LRRTM4: variants seen among roughly 807,000 people sequenced by gnomAD.
LRRTM4 encodes leucine rich repeat transmembrane neuronal 4, also known as leucine-rich repeat transmembrane neuronal protein 4.
A neutral mutation model predicts 47.6 loss-of-function variants in LRRTM4; 25 were observed. The ratio of observed to expected loss-of-function variants is 0.53; its 90% CI spans 0.38 to 0.73. LRRTM4 has a LOEUF of 0.73. LRRTM4 is among the 30% of genes least tolerant of loss of function. The pLI is 0.00. For synonymous variants in LRRTM4, 311 were observed against 269.5 expected (o/e 1.15, Z -1.51); for missense variants, 638 against 713.4 (o/e 0.89, Z 1.20).
Position 77,420,016 on chromosome 2 carries a change from A to G in LRRTM4, c.1551+98302T>C, listed in dbSNP as rs531170657. Among the ~76,000 whole-genome samples, 40 of 152,288 alleles carry G rather than the reference A, an allele frequency of 2.6e-4. No individual in the cohort carries two copies. The East Asian group carries it at 7.0e-3, about 27-fold the overall frequency. On this transcript the variant is annotated intron_variant, in intron 3 of 3. Transcript: ENST00000409884. ...GAGTGTCTGCACTTGAGGTTTCTCAAAAGGCTGGGATGAAGGTGTTGGCTG... is the reference window on the plus strand; with the variant it reads ...GAGTGTCTGCACTTGAGGTTTCTCAGAAGGCTGGGATGAAGGTGTTGGCTG...
intron 3 of LRRTM4, among the ~76,000 whole-genome samples, chr2:77,074,294 C>T (rs986148593): frequency 6.6e-6 from 1 of 152,060 alleles, no homozygotes; most frequent in African/African-American, 2.4e-5. Context: ...ATCCTGTGTT[C>T]TTGGGCATTT....
At chr2:77,368,577 G>A (rs71420994) in intron 3 of LRRTM4, among the ~76,000 whole-genome samples, 1,962 of 151,770 alleles carry the variant, frequency 0.013, 13 homozygotes, top group Non-Finnish European at 0.02. Flanking sequence ...CGTAGAGCAT[G>A]GATTCAAATC....
At chr2:77,081,557 G>A (rs1440847087) in intron 3 of LRRTM4, among the ~76,000 whole-genome samples, 1 of 152,012 alleles carries the variant, frequency 6.6e-6, no homozygotes, top group African/African-American at 2.4e-5. Context: ...ACTCACTCCA[G>A]AAGAAGTCAA....
At chr2:77,326,912 C>T (rs911664413) in intron 3 of LRRTM4, among the ~76,000 whole-genome samples, 3 of 152,236 alleles carry the variant, frequency 2.0e-5, no homozygotes, top group African/African-American at 7.2e-5. Context: ...TTCTTTGATG[C>T]TGTTTATGTG....
chr2:77,433,919 TA>T (rs1675484969), intron 3 of LRRTM4, among the ~76,000 whole-genome samples: 1 of 152,206 alleles, frequency 6.6e-6, no homozygotes, highest in East Asian at 1.9e-4. Context: ...TCTTGCATTT[TA>T]ACCCATCTGA....
At chr2:77,463,934 T>C (rs1361355009) in intron 3 of LRRTM4, among the ~76,000 whole-genome samples, 3 of 152,124 alleles carry the variant, frequency 2.0e-5, no homozygotes, top group Admixed American at 6.6e-5. Flanking sequence ...AGTAGATAGT[T>C]AACAATTTTT....
chr2:77,268,054 G>C (rs1408092117), intron 3 of LRRTM4, among the ~76,000 whole-genome samples: 1 of 151,740 alleles, frequency 6.6e-6, no homozygotes, highest in African/African-American at 2.4e-5. Flanking sequence ...TGCTCTTTCA[G>C]CTTCCCAATC....
At chr2:76,811,437 A>C (rs1558669974) in intron 3 of LRRTM4, among the ~76,000 whole-genome samples, 1 of 152,060 alleles carries the variant, frequency 6.6e-6, no homozygotes, top group Non-Finnish European at 1.5e-5. Flanking sequence ...TTGGCTGGGG[A>C]CTCTTGGGAG....
chr2:77,038,012 T>C (rs1344742091), intron 3 of LRRTM4, among the ~76,000 whole-genome samples: 1 of 151,650 alleles, frequency 6.6e-6, no homozygotes, highest in Non-Finnish European at 1.5e-5. Flanking sequence ...CTTGTGTTCC[T>C]TGAATAACCT....
intron 3 of LRRTM4, among the ~76,000 whole-genome samples, chr2:77,261,224 G>A (rs1675910839): frequency 6.6e-6 from 1 of 152,146 alleles, no homozygotes; most frequent in African/African-American, 2.4e-5. Context: ...GCGTAGTGCA[G>A]AAAGAGAAAA....
At chr2:76,888,380 A>G (rs910940171) in intron 3 of LRRTM4, among the ~76,000 whole-genome samples, 1 of 151,486 alleles carries the variant, frequency 6.6e-6, no homozygotes, top group Non-Finnish European at 1.5e-5. Flanking sequence ...TACATATTGT[A>G]TTCTTTCTCG....
intron 3 of LRRTM4, among the ~76,000 whole-genome samples, chr2:77,347,353 G>T (rs1671600064): frequency 6.6e-6 from 1 of 151,932 alleles, no homozygotes; most frequent in Non-Finnish European, 1.5e-5. Flanking sequence ...TAAATTAATA[G>T]CTATTTCTAG....
chr2:77,476,674 A>T (rs1052798384), intron 3 of LRRTM4, among the ~76,000 whole-genome samples: 48 of 152,132 alleles, frequency 3.2e-4, no homozygotes, highest in African/African-American at 1.1e-3. Flanking sequence ...ATATTTCATG[A>T]CGTAGAACAA....
chr2:77,235,028 C>A (rs1193095771), intron 3 of LRRTM4, among the ~76,000 whole-genome samples: 1 of 152,138 alleles, frequency 6.6e-6, no homozygotes, highest in Non-Finnish European at 1.5e-5. Context: ...TAATGGCCTT[C>A]AGCTGCATCC....
At chr2:76,857,484 G>A (rs1175412955) in intron 3 of LRRTM4, among the ~76,000 whole-genome samples, 2 of 151,750 alleles carry the variant, frequency 1.3e-5, no homozygotes, top group South Asian at 2.1e-4. Flanking sequence ...AGTTTTGGGG[G>A]AACAAAAAGT....
chr2:77,045,576 C>T (rs1406503850), intron 3 of LRRTM4, among the ~76,000 whole-genome samples: 5 of 151,812 alleles, frequency 3.3e-5, no homozygotes, highest in Admixed American at 6.6e-5. Flanking sequence ...GCAGGTGTTT[C>T]CTGTGCTACT....
chr2:77,241,841 T>C (rs1675277780), intron 3 of LRRTM4, among the ~76,000 whole-genome samples: 1 of 152,104 alleles, frequency 6.6e-6, no homozygotes, highest in Non-Finnish European at 1.5e-5. Context: ...TTTGATTTTG[T>C]ATATTGTCTT....
chr2:77,409,835 C>T (rs1674351423), intron 3 of LRRTM4, among the ~76,000 whole-genome samples: 1 of 152,148 alleles, frequency 6.6e-6, no homozygotes, highest in African/African-American at 2.4e-5. Context: ...CAAGTATTTG[C>T]AACCTTCTCG....
intron 3 of LRRTM4, among the ~76,000 whole-genome samples, chr2:77,258,628 C>T (rs942317214): frequency 2.6e-5 from 4 of 151,532 alleles, no homozygotes; most frequent in African/African-American, 4.8e-5. Flanking sequence ...ATAAAACAAA[C>T]ATGGCACTGA....
Sources: allele counts gnomAD v4.1 joint callset (sites outside exome capture counted in the v4.1 genomes callset), GRCh38; gene constraint gnomAD v4.1.1; transcripts MANE v1.5; gene names NCBI Gene and HGNC (gene_info 2026-07-23, HGNC 2026-07-21).